FAM174C: variants seen among roughly 807,000 people sequenced by gnomAD.
The protein encoded by FAM174C is protein FAM174C.
Under a neutral mutation model 12.3 loss-of-function variants are expected in FAM174C, and 19 were observed. The ratio of observed to expected loss-of-function variants is 1.55; its 90% CI spans 1.08 to 2.27. The LOEUF is 2.27. FAM174C is among the 30% of genes most tolerant of loss of function. The pLI is 0.00. For synonymous variants in FAM174C, 147 were observed against 103.5 expected, an observed-to-expected ratio of 1.42 and a Z score of -2.55; for missense variants, 239 against 190.2, an observed-to-expected ratio of 1.26 and a Z score of -1.51.
At chr19:1,276,158 A>G in intron 1 of FAM174C, 1 of 349,590 alleles carries the variant, frequency 2.9e-6, no homozygotes. Context: ...TGGCGGGGCG[A>G]GGGGGCCTCC....
intron 2 of FAM174C, chr19:1,277,894 C>G (rs1015073827): frequency 3.3e-5 from 5 of 153,070 alleles, no homozygotes; most frequent in African/African-American, 1.2e-4. Context: ...CCCATCGCAG[C>G]CTCCTGAGTA....
chr19:1,277,595 C>T (rs1454235815), intron 2 of FAM174C, among the ~76,000 whole-genome samples: 2 of 151,864 alleles, frequency 1.3e-5, no homozygotes, highest in Admixed American at 1.3e-4. Context: ...CACAGCCTCC[C>T]GAGTAGCTGG....
At chr19:1,276,038 C>T (rs962379555) in intron 1 of FAM174C, 7 of 554,774 alleles carry the variant, frequency 1.3e-5, no homozygotes, top group South Asian at 2.2e-5. Context: ...CTCCAGCCTG[C>T]GCCTGGGGTT....
chr19:1,275,621 C>G lies in FAM174C; in HGVS notation c.72C>G (p.Cys24Trp). Residue 24 changes from cysteine to tryptophan, a missense_variant, in exon 1 of 3, where the codon TGC becomes TGG. Physicochemically the swap from Cys to Trp is radical, Grantham distance 215 (BLOSUM62 -2). Transcript: ENST00000409293. Reference protein sequence around the residue: ...LLALLLAALPCGAEEASPLRP... With the variant: ...LLALLLAALPWGAEEASPLRP... ...CGCTGCTGCTGGCGGCGCTGCCGTGCGGTGCCGAAGAGGCCTCGCCGCTGC... is the reference window on the plus strand; with the variant it reads ...CGCTGCTGCTGGCGGCGCTGCCGTGGGGTGCCGAAGAGGCCTCGCCGCTGC... 7.7e-7 allele frequency: 1 copy of G among 1,298,608 alleles called. No homozygotes were observed. Among genetic ancestry groups the G allele is most frequent in the Non-Finnish European group, 9.7e-7 (1 of 1,028,394 alleles). 80.4% of individuals were successfully genotyped at this position (1,298,608 alleles called of 1,614,324 possible). A position where few individuals can be genotyped will look rare whatever the true frequency, so the allele number is the denominator to read the frequency against.
Position 1,275,818 on chromosome 19 carries a change from T to G in FAM174C, c.269T>G (p.Ile90Ser). 18 of 1,537,132 alleles carry G rather than the reference T, an allele frequency of 1.2e-5. No individual in the cohort carries two copies. Among genetic ancestry groups the G allele is most frequent in the Middle Eastern group, 1.7e-4 (1 of 5,804 alleles). The change falls in exon 1 of 3, where the codon ATC becomes AGC. Residue 90 changes from isoleucine (I) to serine (S), a missense_variant. Ile to Ser is a moderately radical substitution (Grantham distance 142). Transcript: ENST00000409293. ...GGCCTGACCGCGCTCTACTTCCTGA[T>G]CCGGGCGTTTAGGTGCGTCAGGCGC... ...FCGLTALYFL[I>S]RAFRLKKPQR...
In FAM174C at chr19:1,275,533, A is replaced by T. The variant is rs1245535626; in HGVS notation, c.-17A>T. The T allele has an allele frequency of 2.6e-6, 3 of 1,143,868 alleles. No individual in the cohort carries two copies. The highest frequency in any genetic ancestry group is 3.2e-6 in the Non-Finnish European group (3 of 945,292). 70.9% of individuals were successfully genotyped at this position (1,143,868 alleles called of 1,614,324 possible). A position where few individuals can be genotyped will look rare whatever the true frequency, so the allele number is the denominator to read the frequency against. On this transcript the variant is annotated 5_prime_UTR_variant, in exon 1 of 3. Transcript: ENST00000409293. Reference sequence around the variant, plus strand: ...GCGCGCATAGGGGCGGGGCGCCGCCACCGCTTCCGCCGGGCCATGGGGCCG... The same window carrying T: ...GCGCGCATAGGGGCGGGGCGCCGCCTCCGCTTCCGCCGGGCCATGGGGCCG...
rs769793090 is a variant in FAM174C at position 1,279,191 on chromosome 19, G to A, written c.*414G>A. 36 of 1,611,456 alleles carry A rather than the reference G, an allele frequency of 2.2e-5. No homozygotes were observed. Among genetic ancestry groups the A allele is most frequent in the Admixed American group, 6.7e-5 (4 of 59,910 alleles). On this transcript the variant is annotated 3_prime_UTR_variant, in exon 3 of 3. Transcript: ENST00000409293. ...GGAACCTTTCTGGGAACACCTTCTC[G>A]CCGGGCTGGGAACAATAAATGCAGC... is the stretch of plus-strand genomic sequence containing the variant.
chr19:1,277,391 G>A lies in FAM174C; in HGVS notation c.398+92G>A, dbSNP rs561922263. On this transcript the variant is annotated intron_variant, in intron 2 of 2. Coordinates refer to ENST00000409293, the MANE Select transcript of FAM174C (RefSeq NM_017914.4). The stretch of plus-strand genomic sequence containing the variant: ...GGGGACTTGGCCAAGCCATGGAGTG[G>A]TCCCTGCAATCACAGCTGACAGCGG... The A allele has an allele frequency of 6.6e-4, 966 of 1,470,610 alleles. 5 individuals are homozygous for A. The African/African-American group carries it at 0.012, about 19-fold the overall frequency. 91.1% of individuals were successfully genotyped at this position (1,470,610 alleles called of 1,614,324 possible). A position where few individuals can be genotyped will look rare whatever the true frequency, so the allele number is the denominator to read the frequency against.
chr19:1,276,025 G>T, intron 1 of FAM174C, 195 bp downstream of exon 1: 2 of 565,356 alleles, frequency 3.5e-6, no homozygotes, highest in Non-Finnish European at 6.1e-6. Context: ...GGACTCACCC[G>T]CTCTCCAGCC....
intron 2 of FAM174C, among the ~76,000 whole-genome samples, chr19:1,278,141 C>T (rs921568779): frequency 8.8e-5 from 1 of 11,378 alleles, no homozygotes; most frequent in African/African-American, 3.3e-4. Flanking sequence ...ATCTGGGCCC[C>T]TCCCTGAGGG....
chr19:1,278,558 C>G (rs991642671), intron 2 of FAM174C, among the ~76,000 whole-genome samples: 3 of 152,118 alleles, frequency 2.0e-5, no homozygotes, highest in African/African-American at 7.2e-5. Context: ...GAACCCCTCC[C>G]AGGTTTCTTC....
intron 1 of FAM174C, 72 bp downstream of exon 1, chr19:1,275,902 G>A (rs1159596426): frequency 1.4e-6 from 2 of 1,386,640 alleles, no homozygotes; most frequent in Non-Finnish European, 2.0e-6. Flanking sequence ...GTCACGTGCC[G>A]GGCCGCGGGG....
At chr19:1,277,081 G>A in intron 1 of FAM174C, 102 bp from the exon 2 acceptor site, 2 of 1,440,948 alleles carry the variant, frequency 1.4e-6, no homozygotes, top group Non-Finnish European at 1.8e-6. Flanking sequence ...GTCTGCAGCA[G>A]GGCTCGGGGC....
chr19:1,275,936 C>G (rs1259026925), intron 1 of FAM174C, 106 bp downstream of exon 1: 4 of 1,040,898 alleles, frequency 3.8e-6, no homozygotes, highest in East Asian at 2.7e-5. Context: ...CCCTCCCTCC[C>G]TCCCTCTCTC....
rs1568845895 is a variant in FAM174C, at chr19:1,275,662, C to T, written c.113C>T (p.Thr38Met). The stretch of plus-strand genomic sequence containing the variant: ...TCGCCGCTGCGCCCCGCGCAGGTCA[C>T]GTTGTCGCCGCCGCCGGCCGTGACG... ...EASPLRPAQVTLSPPPAVTNG... is the reference protein window; with the variant it reads ...EASPLRPAQVMLSPPPAVTNG... Residue 38 changes from threonine to methionine, a missense_variant, in exon 1 of 3, where the codon ACG (threonine) becomes ATG (methionine). Transcript: ENST00000409293. 5 of 1,429,300 alleles carry T rather than the reference C, an allele frequency of 3.5e-6. No individual in the cohort carries two copies. In the South Asian group the frequency reaches 5.9e-5, roughly 17 times the overall value. The allele number at this position is 1,429,300 out of a possible 1,614,324, so 88.5% of individuals were successfully genotyped here. A position where few individuals can be genotyped will look rare whatever the true frequency, so the allele number is the denominator to read the frequency against.
chr19:1,275,578 T>G lies in FAM174C; in HGVS notation c.29T>G (p.Leu10Arg), dbSNP rs1403643705. Reference sequence around the variant, plus strand: ...GGGCCGCGCGTGCTGCAGCCGCCGCTGCTGCTGCTCCTGCTGGCGCTGCTG... The same window carrying G: ...GGGCCGCGCGTGCTGCAGCCGCCGCGGCTGCTGCTCCTGCTGGCGCTGCTG... MGPRVLQPP[L>R]LLLLLALLLA... Residue 10 changes from leucine to arginine, a missense_variant, in exon 1 of 3, where the codon CTG becomes CGG. By Grantham distance (102) the Leu-to-Arg change is moderately radical (BLOSUM62 -2). Transcript: ENST00000409293. 4.7e-5 allele frequency: 58 copies of G among 1,222,996 alleles called. 1 individual carries two copies. In the South Asian group the frequency reaches 7.8e-4, roughly 16 times the overall value. The allele number at this position is 1,222,996 out of a possible 1,614,324, so 75.8% of individuals were successfully genotyped here. A position where few individuals can be genotyped will look rare whatever the true frequency, so the allele number is the denominator to read the frequency against.
chr19:1,275,901 CG>C, intron 1 of FAM174C, 71 bp downstream of exon 1: 1 of 1,414,300 alleles, frequency 7.1e-7, no homozygotes, highest in Middle Eastern at 2.4e-4. Flanking sequence ...CGTCACGTGC[CG>C]GGCCGCGGGG....
rs1486485314 is a variant in FAM174C at position 1,275,696 on chromosome 19, C to T, written c.147C>T (p.Ser49=). 2.7e-6 allele frequency: 4 copies of T among 1,484,326 alleles called. No individual in the cohort carries two copies. Among genetic ancestry groups the T allele is most frequent in the South Asian group, 2.6e-5 (2 of 77,678 alleles). The allele number at this position is 1,484,326 out of a possible 1,614,324, so 91.9% of individuals were successfully genotyped here. A position where few individuals can be genotyped will look rare whatever the true frequency, so the allele number is the denominator to read the frequency against. Residue 49 remains serine, a synonymous_variant, in exon 1 of 3, where the codon AGC becomes AGT. Transcript: ENST00000409293. ...LSPPPAVTNG[S]QPGAPHNSTH... Reference sequence around the variant, plus strand: ...CGCCGCCGGCCGTGACGAACGGGAGCCAGCCGGGCGCGCCACACAACAGCA... The same window carrying T: ...CGCCGCCGGCCGTGACGAACGGGAGTCAGCCGGGCGCGCCACACAACAGCA...
At position 1,279,182 on chromosome 19, in the gene FAM174C, C is replaced by T. The variant is rs527764800; in HGVS notation, c.*405C>T. 1.7e-5 allele frequency: 28 copies of T among 1,612,400 alleles called. 1 individual carries two copies. The highest frequency in any genetic ancestry group is 2.4e-5 in the Non-Finnish European group (28 of 1,179,536). On this transcript the variant is annotated 3_prime_UTR_variant, in exon 3 of 3. Coordinates refer to ENST00000409293, the MANE Select transcript of FAM174C (RefSeq NM_017914.4). ...GTGACCCAAGGAACCTTTCTGGGAA[C>T]ACCTTCTCGCCGGGCTGGGAACAAT...
Sources: allele counts gnomAD v4.1 joint callset (sites outside exome capture counted in the v4.1 genomes callset), GRCh38; gene constraint gnomAD v4.1.1; transcripts MANE v1.5; gene names NCBI Gene and HGNC (gene_info 2026-07-23, HGNC 2026-07-21).